The following CSMD1 variants were observed in gnomAD, a reference collection of about 807,000 sequenced individuals.
CSMD1 encodes CUB and Sushi multiple domains 1.
A neutral mutation model predicts 417.5 loss-of-function variants in CSMD1; 213 were observed. The observed-to-expected ratio is 0.51, with a 90% CI of 0.46 to 0.57. CSMD1 has a LOEUF of 0.57. CSMD1 is among the 20% of genes least tolerant of loss of function. The pLI, the probability that CSMD1 is intolerant of heterozygous loss-of-function variation, is 0.00. For missense variants in CSMD1, 6,923 were observed against 4,529.7 expected (o/e 1.53, Z -15.17); for synonymous variants, 2,862 against 1,736.8 (o/e 1.65, Z -16.11).
intron 7 of CSMD1, among the ~76,000 whole-genome samples, chr8:3,663,467 G>C (rs745550684): frequency 6.6e-6 from 1 of 152,128 alleles, no homozygotes; most frequent in Non-Finnish European, 1.5e-5. Context: ...GATAGCCATA[G>C]GGACTGTGAA....
intron 18 of CSMD1, among the ~76,000 whole-genome samples, chr8:3,384,240 C>G (rs1810826664): frequency 6.6e-6 from 1 of 152,076 alleles, no homozygotes; most frequent in East Asian, 1.9e-4. Flanking sequence ...TCTAAATTTT[C>G]ACATAATAAT....
chr8:2,994,145 CAAAAAAAAAAAAA>C (rs35438493), intron 54 of CSMD1, among the ~76,000 whole-genome samples: 1 of 30,516 alleles, frequency 3.3e-5, no homozygotes, highest in South Asian at 2.6e-3. Context: ...AACTCCATCT[CAAAAAAAAAAAAA>C]AAAAAAAAAA....
chr8:4,378,423 T>C (rs1047310912), intron 3 of CSMD1, among the ~76,000 whole-genome samples: 11 of 152,174 alleles, frequency 7.2e-5, no homozygotes, highest in Non-Finnish European at 1.2e-4. Flanking sequence ...GAGCATGATA[T>C]CAATTGTAAA....
chr8:3,245,401 C>G (rs1403394045), intron 26 of CSMD1, among the ~76,000 whole-genome samples: 1 of 152,170 alleles, frequency 6.6e-6, no homozygotes, highest in East Asian at 1.9e-4. Context: ...CAGACTTTTC[C>G]CCCTCTCTTT....
intron 50 of CSMD1, among the ~76,000 whole-genome samples, chr8:3,049,451 C>T (rs528898666): frequency 6.6e-5 from 10 of 152,152 alleles, no homozygotes; most frequent in African/African-American, 2.4e-4. Flanking sequence ...GAAACTTAAA[C>T]GCTTATTACT....
chr8:4,036,276 ATG>A (rs1298243020), intron 3 of CSMD1, among the ~76,000 whole-genome samples: 10 of 152,314 alleles, frequency 6.6e-5, no homozygotes, highest in Non-Finnish European at 1.3e-4. Flanking sequence ...ATATCTCAAG[ATG>A]CTGTTGTTAT....
In CSMD1 at chr8:2,962,579, G is replaced by C. The variant is rs1355712284; in HGVS notation, c.9515C>G (p.Thr3172Ser). The change falls in exon 61 of 70, where the codon ACC (threonine) becomes AGC (serine). Residue 3172 changes from threonine to serine, a missense_variant. Thr to Ser is a moderately conservative substitution (Grantham distance 58). Transcript: ENST00000635120. ...AEGRLSGKSF[T>S]YKSEVFFQCK... ...CTGGAAGAAGACTTCGGACTTATAG[G>C]TGAAACTTTTCCCACTAAGTCGCCC... The C allele has an allele frequency of 1.2e-6, 2 of 1,613,812 alleles. No homozygotes were observed. Among genetic ancestry groups the C allele is most frequent in the East Asian group, 4.5e-5 (2 of 44,856 alleles).
chr8:3,219,165 C>A, intron 29 of CSMD1, 90 bp downstream of exon 29: 1 of 1,062,508 alleles, frequency 9.4e-7, no homozygotes, highest in Non-Finnish European at 1.4e-6. Flanking sequence ...ATGTATTAAA[C>A]AGACAAGCAA....
At position 3,399,512 on chromosome 8, in the gene CSMD1, G is replaced by A; in HGVS notation, c.2284C>T (p.Leu762=). The change falls in exon 16 of 70, where the codon CTG becomes TTG. Residue 762 remains leucine, a synonymous_variant. Transcript: ENST00000635120. ...AAAATGACTCCGCTGGACGCTGTCAGATGTCCACCACATGGAGCTAAAACA... is the reference window on the plus strand; with the variant it reads ...AAAATGACTCCGCTGGACGCTGTCAAATGTCCACCACATGGAGCTAAAACA... The part of the protein sequence containing the change: ...PRCEAPCGGH[L]TASSGVILPP... 1 of 1,599,328 alleles carries A rather than the reference G, an allele frequency of 6.3e-7. No homozygotes were observed.
chr8:3,464,158 A>G (rs1816671484), intron 12 of CSMD1, among the ~76,000 whole-genome samples: 1 of 152,178 alleles, frequency 6.6e-6, no homozygotes, highest in South Asian at 2.1e-4. Flanking sequence ...TACATGAAAC[A>G]TGATTTCTGG....
At chr8:3,252,297 A>G (rs1223330519) in intron 26 of CSMD1, among the ~76,000 whole-genome samples, 2 of 152,180 alleles carry the variant, frequency 1.3e-5, no homozygotes, top group South Asian at 2.1e-4. Flanking sequence ...GTCAAAGGCC[A>G]TTTCTGCATC....
At chr8:2,983,639 A>C (rs1805611679) in intron 54 of CSMD1, among the ~76,000 whole-genome samples, 1 of 152,206 alleles carries the variant, frequency 6.6e-6, no homozygotes, top group Non-Finnish European at 1.5e-5. Context: ...AAAAATTGTA[A>C]ATCTAATCGT....
chr8:4,467,044 G>A (rs1203677539), intron 2 of CSMD1, among the ~76,000 whole-genome samples: 1 of 148,940 alleles, frequency 6.7e-6, no homozygotes, highest in African/African-American at 2.5e-5. Flanking sequence ...TCTGTTTCAT[G>A]GCAGAACAAT....
intron 25 of CSMD1, among the ~76,000 whole-genome samples, chr8:3,299,734 T>C (rs970396511): frequency 6.6e-6 from 1 of 152,114 alleles, no homozygotes; most frequent in Non-Finnish European, 1.5e-5. Context: ...ACTAACCAAA[T>C]GTATTCACAT....
intron 3 of CSMD1, among the ~76,000 whole-genome samples, chr8:4,055,908 G>A (rs185590715): frequency 1.3e-5 from 2 of 152,120 alleles, no homozygotes; most frequent in South Asian, 2.1e-4. Flanking sequence ...TGAGTCATTA[G>A]TATTTAAGCT....
At chr8:3,594,924 G>A (rs1801021477) in intron 8 of CSMD1, among the ~76,000 whole-genome samples, 1 of 152,208 alleles carries the variant, frequency 6.6e-6, no homozygotes, top group African/African-American at 2.4e-5. Flanking sequence ...CCAGGAGGCA[G>A]AAGCAGGAAT....
chr8:3,137,700 A>T (rs1818185563), intron 41 of CSMD1, among the ~76,000 whole-genome samples: 1 of 152,210 alleles, frequency 6.6e-6, no homozygotes, highest in African/African-American at 2.4e-5. Context: ...ATGCCGTGTA[A>T]ATAGTTGTTA....
intron 3 of CSMD1, among the ~76,000 whole-genome samples, chr8:4,299,402 A>C (rs1205291560): frequency 6.6e-6 from 1 of 152,194 alleles, no homozygotes; most frequent in African/African-American, 2.4e-5. Context: ...TCGTCTCAAC[A>C]TGAGAGAGGT....
chr8:4,032,616 A>G (rs1001075732), intron 3 of CSMD1, among the ~76,000 whole-genome samples: 1 of 152,224 alleles, frequency 6.6e-6, no homozygotes, highest in Non-Finnish European at 1.5e-5. Flanking sequence ...ATTGAATTAA[A>G]TAATAAATTA....
Sources: allele counts gnomAD v4.1 joint callset (sites outside exome capture counted in the v4.1 genomes callset), GRCh38; gene constraint gnomAD v4.1.1; transcripts MANE v1.5; gene names NCBI Gene and HGNC (gene_info 2026-07-23, HGNC 2026-07-21).